TMPRSS11E: variants seen among roughly 807,000 people sequenced by gnomAD.
The protein encoded by TMPRSS11E is transmembrane protease serine 11E.
Under a neutral mutation model 48.1 loss-of-function variants are expected in TMPRSS11E, and 38 were observed. That is an observed-to-expected ratio of 0.79 (90% CI 0.61 to 1.04). The LOEUF (loss-of-function observed/expected upper bound fraction) is 1.04, where lower values mean the gene tolerates loss of function less well. Among genes scored for constraint, TMPRSS11E ranks in the 50% least tolerant of loss-of-function variants. The pLI is 0.00. For missense variants in TMPRSS11E, 530 were observed against 510.8 expected, an observed-to-expected ratio of 1.04 and a Z score of -0.36; for synonymous variants, 158 against 171.9, an observed-to-expected ratio of 0.92 and a Z score of 0.63.
chr4:68,462,076 T>C, intron 2 of TMPRSS11E, 131 bp downstream of exon 2: 1 of 1,151,340 alleles, frequency 8.7e-7, no homozygotes. Context: ...AAGGGATCTT[T>C]ACCTGCTTTC....
chr4:68,478,981 A>G lies in TMPRSS11E; in HGVS notation c.1100A>G (p.Asp367Gly). ...GCTGGCTCCTTAGAAGGAAAAACAG[A>G]TGCATGCCAGGTAAACAGTTTTGCC... The part of the protein sequence containing the change: ...LCAGSLEGKT[D>G]ACQGDSGGPL... The change falls in exon 9 of 10, where the codon GAT (aspartate) becomes GGT (glycine). Residue 367 changes from aspartate (D) to glycine (G), a missense_variant. Physicochemically the swap from Asp to Gly is moderately conservative, Grantham distance 94. Coordinates refer to ENST00000305363, the MANE Select transcript of TMPRSS11E (RefSeq NM_014058.4). 1.2e-6 allele frequency: 2 copies of G among 1,613,512 alleles called. No individual in the cohort carries two copies. Among genetic ancestry groups the G allele is most frequent in the Non-Finnish European group, 1.7e-6 (2 of 1,179,844 alleles).
chr4:68,492,135 A>G (rs1052890104), intron 9 of TMPRSS11E, among the ~76,000 whole-genome samples: 4 of 152,218 alleles, frequency 2.6e-5, no homozygotes, highest in African/African-American at 7.2e-5. Context: ...ACCACACACT[A>G]CTAAAAATTC....
chr4:68,468,255 T>C (rs1728975843), intron 3 of TMPRSS11E, among the ~76,000 whole-genome samples: 3 of 152,110 alleles, frequency 2.0e-5, no homozygotes. Flanking sequence ...AAACTCCTAA[T>C]TAAAAAATTA....
intron 1 of TMPRSS11E, among the ~76,000 whole-genome samples, chr4:68,453,928 A>T (rs1728561196): frequency 6.6e-6 from 1 of 151,872 alleles, no homozygotes. Context: ...TGCTTCAACT[A>T]GCACATATGT....
chr4:68,480,654 C>T (rs1160382381), intron 9 of TMPRSS11E, among the ~76,000 whole-genome samples: 1 of 152,072 alleles, frequency 6.6e-6, no homozygotes, highest in Non-Finnish European at 1.5e-5. Flanking sequence ...TGCCTTTTCT[C>T]ATTCAAGTAA....
chr4:68,486,641 T>A (rs369091872), intron 9 of TMPRSS11E, among the ~76,000 whole-genome samples: 5 of 152,308 alleles, frequency 3.3e-5, no homozygotes, highest in African/African-American at 1.2e-4. Flanking sequence ...TCTATAGATA[T>A]CTCTTAGGTT....
intron 2 of TMPRSS11E, among the ~76,000 whole-genome samples, chr4:68,463,763 T>A (rs1303325412): frequency 1.3e-5 from 2 of 152,198 alleles, no homozygotes; most frequent in East Asian, 3.9e-4. Flanking sequence ...TTTATCAGAA[T>A]CTTGGCACAT....
chr4:68,479,880 T>G (rs2603178), intron 9 of TMPRSS11E, among the ~76,000 whole-genome samples: 1 of 151,890 alleles, frequency 6.6e-6, no homozygotes, highest in Non-Finnish European at 1.5e-5. Flanking sequence ...AAAAATTCTC[T>G]TAGATTTTCT....
At chr4:68,474,786 T>C (rs1729165843) in intron 6 of TMPRSS11E, 25 bp downstream of exon 6, 1 of 1,571,988 alleles carries the variant, frequency 6.4e-7, no homozygotes, top group Non-Finnish European at 8.6e-7. Flanking sequence ...TTTATTAAAA[T>C]AGCATTACCT....
intron 8 of TMPRSS11E, among the ~76,000 whole-genome samples, chr4:68,478,274 G>C (rs1729293935): frequency 6.7e-6 from 1 of 149,778 alleles, no homozygotes; most frequent in South Asian, 2.1e-4. Flanking sequence ...TCCTGCCTCA[G>C]CCTCCCCAGT....
At chr4:68,483,908 T>C (rs1011229935) in intron 9 of TMPRSS11E, among the ~76,000 whole-genome samples, 7 of 152,204 alleles carry the variant, frequency 4.6e-5, no homozygotes, top group Non-Finnish European at 1.0e-4. Context: ...CCCCATTTCT[T>C]GTTATGGTCA....
rs143302419 is a variant in TMPRSS11E at position 68,484,434 on chromosome 4, G to A, written c.1110+5443G>A. Among the ~76,000 whole-genome samples, 706 of 152,232 alleles carry A rather than the reference G, an allele frequency of 4.6e-3. 10 individuals carry two copies. Among genetic ancestry groups the A allele is most frequent in the African/African-American group, 0.015 (618 of 41,548 alleles). ...CGATCCTCCCACTTCAGTCTCCTGA[G>A]TAGCGGGGACTATAGGCATTCACCA... On this transcript the variant is annotated intron_variant, in intron 9 of 9. Transcript: ENST00000305363.
At chr4:68,489,466 C>G (rs1729654995) in intron 9 of TMPRSS11E, among the ~76,000 whole-genome samples, 1 of 151,998 alleles carries the variant, frequency 6.6e-6, no homozygotes, top group Non-Finnish European at 1.5e-5. Context: ...GGGGTAGTGG[C>G]AAGTCCTGCA....
chr4:68,477,267 A>G, intron 7 of TMPRSS11E, 102 bp from the exon 8 acceptor site: 1 of 1,232,676 alleles, frequency 8.1e-7, no homozygotes, highest in Middle Eastern at 2.7e-4. Context: ...AAAACTATAA[A>G]AAGAAAAAAA....
chr4:68,485,096 T>A (rs1218529003), intron 9 of TMPRSS11E, among the ~76,000 whole-genome samples: 1 of 152,172 alleles, frequency 6.6e-6, no homozygotes, highest in Non-Finnish European at 1.5e-5. Flanking sequence ...CATAGAAGGC[T>A]TTTATTATTT....
At chr4:68,476,125 G>T in intron 6 of TMPRSS11E, 136 bp from the exon 7 acceptor site, 1 of 1,158,996 alleles carries the variant, frequency 8.6e-7, no homozygotes, top group Non-Finnish European at 1.3e-6. Context: ...TTACAGAAAG[G>T]TAAGAGCATG....
At chr4:68,455,612 G>A (rs952767774) in intron 1 of TMPRSS11E, among the ~76,000 whole-genome samples, 1 of 151,930 alleles carries the variant, frequency 6.6e-6, no homozygotes, top group African/African-American at 2.4e-5. Context: ...GTTTCTGAAA[G>A]TCTCAAGCTA....
intron 9 of TMPRSS11E, among the ~76,000 whole-genome samples, chr4:68,493,514 T>A (rs1729786792): frequency 6.6e-6 from 1 of 152,134 alleles, no homozygotes; most frequent in African/African-American, 2.4e-5. Flanking sequence ...TTACCCAGGC[T>A]GGAGTGCAGT....
At chr4:68,451,882 C>T (rs1332363967) in intron 1 of TMPRSS11E, among the ~76,000 whole-genome samples, 1 of 151,904 alleles carries the variant, frequency 6.6e-6, no homozygotes, top group Admixed American at 6.6e-5. Flanking sequence ...AGCCTATGCT[C>T]TTAATCACAG....
Sources: gnomAD v4.1 joint callset for allele counts (sites outside exome capture counted in the v4.1 genomes callset) on GRCh38, gnomAD v4.1.1 for gene constraint, MANE v1.5 for transcripts, NCBI Gene and HGNC (gene_info 2026-07-23, HGNC 2026-07-21) for gene names.